Variants in ALS2 observed in about 807,000 individuals in gnomAD.
The protein encoded by ALS2 is alsin.
Under a neutral mutation model 203.4 loss-of-function variants are expected in ALS2, and 117 were observed. The observed-to-expected ratio is 0.58, with a 90% confidence interval of 0.50 to 0.67. ALS2 has a LOEUF of 0.67. Ranked by LOEUF, ALS2 falls within the 30% of genes least tolerant of loss-of-function variation. The pLI is 0.00. For missense variants in ALS2, 1,715 were observed against 1,989.4 expected, an observed-to-expected ratio of 0.86 and a Z score of 2.62; for synonymous variants, 718 against 725.9, an observed-to-expected ratio of 0.99 and a Z score of 0.17.
At chr2:201,723,022 A>C (rs747967479) in intron 23 of ALS2, 21 bp downstream of exon 23, 2 of 1,565,000 alleles carry the variant, frequency 1.3e-6, no homozygotes. Flanking sequence ...GGGAGAAAAA[A>C]AAAGAAAGCT....
At chr2:201,704,343 A>C in intron 32 of ALS2, 111 bp downstream of exon 32, 1 of 1,499,944 alleles carries the variant, frequency 6.7e-7, no homozygotes, top group Non-Finnish European at 9.3e-7. Flanking sequence ...GGAATGGGTT[A>C]ATCGATTTTT....
chr2:201,731,493 G>A (rs917769958), intron 13 of ALS2, among the ~76,000 whole-genome samples: 7 of 152,034 alleles, frequency 4.6e-5, no homozygotes, highest in Admixed American at 6.5e-5. Context: ...CTACTTCACC[G>A]AGTTGATGTG....
chr2:201,716,341 C>T (rs1170479135), intron 24 of ALS2, among the ~76,000 whole-genome samples: 1 of 151,972 alleles, frequency 6.6e-6, no homozygotes, highest in Admixed American at 6.6e-5. Context: ...GTCAGGAGTT[C>T]AAGACCAGCC....
chr2:201,754,762 T>C (rs2106074968), intron 5 of ALS2, 91 bp from the exon 6 acceptor site: 1 of 1,378,958 alleles, frequency 7.3e-7, no homozygotes, highest in South Asian at 1.2e-5. Context: ...TTCAAAAACA[T>C]ACGCCACCAA....
At chr2:201,719,227 G>A (rs1690599221) in intron 23 of ALS2, among the ~76,000 whole-genome samples, 1 of 152,206 alleles carries the variant, frequency 6.6e-6, no homozygotes, top group Non-Finnish European at 1.5e-5. Context: ...CACTGTGATG[G>A]TAGTAAGAGG....
chr2:201,727,865 T>A, intron 15 of ALS2, 90 bp from the exon 16 acceptor site: 1 of 1,235,346 alleles, frequency 8.1e-7, no homozygotes, highest in African/African-American at 1.5e-5. Context: ...TTAACCCACA[T>A]GGGCCTTGCA....
chr2:201,727,605 G>T, intron 16 of ALS2, 100 bp downstream of exon 16: 5 of 1,020,364 alleles, frequency 4.9e-6, no homozygotes, highest in Non-Finnish European at 7.4e-6. Context: ...AGAATGAGGA[G>T]ACTGTCTCCG....
chr2:201,761,921 A>G (rs1693795355), intron 3 of ALS2, 103 bp from the exon 4 acceptor site: 2 of 1,285,614 alleles, frequency 1.6e-6, no homozygotes, highest in South Asian at 1.4e-5. Context: ...ACCAAATTGG[A>G]TTTTCTTTTT....
Position 201,726,649 on chromosome 2 carries a change from C to T in ALS2, c.3182+15G>A. 6.2e-7 allele frequency: 1 copy of T among 1,613,750 alleles called. No homozygotes were observed. Among genetic ancestry groups the T allele is most frequent in the Non-Finnish European group, 8.5e-7 (1 of 1,179,644 alleles). On this transcript the variant is annotated intron_variant, in intron 18 of 33. Coordinates refer to ENST00000264276, the MANE Select transcript of ALS2 (RefSeq NM_020919.4). ...GATCATCCTCACCCCAGGCATAAAT[C>T]TTCAACATTTTCACCTGCCATGAGG... is the stretch of plus-strand genomic sequence containing the variant.
chr2:201,739,394 T>C lies in ALS2; in HGVS notation c.2352-659A>G, dbSNP rs541223303. 2.6e-3 allele frequency among the ~76,000 whole-genome samples: 389 copies of C among 152,238 alleles called. 1 individual carries two copies. Among genetic ancestry groups the C allele is most frequent in the Non-Finnish European group, 4.5e-3 (304 of 68,020 alleles). On this transcript the variant is annotated intron_variant, in intron 11 of 33. Coordinates refer to ENST00000264276, the MANE Select transcript of ALS2 (RefSeq NM_020919.4). Reference sequence around the variant, plus strand: ...ACTTGAGAAAACATAATTAAAATAGTTGAATTTTTGATGAAAATTTTCTGT... The same window carrying C: ...ACTTGAGAAAACATAATTAAAATAGCTGAATTTTTGATGAAAATTTTCTGT...
chr2:201,706,535 T>TTATATATATA (rs34345642), intron 29 of ALS2, among the ~76,000 whole-genome samples: 4,925 of 143,680 alleles, frequency 0.034, 96 homozygotes, highest in South Asian at 0.078. Context: ...AGCTCACACT[T>TTATATATATA]TATATATATA....
rs148999443 is a variant in ALS2 at position 201,753,959 on chromosome 2, T to C, written c.1640+544A>G. Reference sequence around the variant, plus strand: ...CAAGATGAACACACATTGAAGAAGATATGGAAAAGCGCACCATGGATACTT... The same window carrying C: ...CAAGATGAACACACATTGAAGAAGACATGGAAAAGCGCACCATGGATACTT... On this transcript the variant is annotated intron_variant, in intron 6 of 33. Transcript: ENST00000264276. 1.7e-3 allele frequency among the ~76,000 whole-genome samples: 265 copies of C among 152,204 alleles called. 1 individual carries two copies. Among genetic ancestry groups the C allele is most frequent in the Middle Eastern group, 0.01 (3 of 294 alleles).
chr2:201,729,021 A>G, intron 14 of ALS2, 31 bp downstream of exon 14: 1 of 1,614,064 alleles, frequency 6.2e-7, no homozygotes, highest in South Asian at 1.1e-5. Flanking sequence ...GCTGTTTGCT[A>G]GGGTAACAAA....
chr2:201,728,068 A>C (rs1433453295), intron 15 of ALS2, among the ~76,000 whole-genome samples: 1 of 152,196 alleles, frequency 6.6e-6, no homozygotes, highest in African/African-American at 2.4e-5. Context: ...ACAGAAATCC[A>C]TGCTGTAGCT....
In ALS2 at chr2:201,738,674, C is replaced by T. The variant is rs1270208369; in HGVS notation, c.2413G>A (p.Ala805Thr). 2 of 1,613,720 alleles carry T rather than the reference C, an allele frequency of 1.2e-6. No individual in the cohort carries two copies. Among genetic ancestry groups the T allele is most frequent in the South Asian group, 1.1e-5 (1 of 91,074 alleles). Residue 805 changes from alanine (A) to threonine (T), a missense_variant, in exon 12 of 34, where the codon GCC (alanine) becomes ACC (threonine). Around this residue, in one of 3 missense-constraint regions of ALS2, gnomAD observed 1,227 missense variants for 1,413.5 expected, o/e 0.87. Transcript: ENST00000264276. ...MGGFQLLAKP[A>T]IDFLNKNQEL... ...GGAAGGTGTGGGTTTGCTTACATGG[C>T]AGGCTTAGCAAGAAGCTGGAATCCT...
Position 201,708,009 on chromosome 2 carries a change from A to T in ALS2, c.4281-18T>A. Reference sequence around the variant, plus strand: ...ATAAGAACCTAAGGAAGAATAAAAAATATAATTATACAATTATACCTCTAG... The same window carrying T: ...ATAAGAACCTAAGGAAGAATAAAAATTATAATTATACAATTATACCTCTAG... On this transcript the variant is annotated intron_variant, in intron 27 of 33. Coordinates refer to ENST00000264276, the MANE Select transcript of ALS2 (RefSeq NM_020919.4). 2 of 1,606,410 alleles carry T rather than the reference A, an allele frequency of 1.2e-6. No individual in the cohort carries two copies. The highest frequency in any genetic ancestry group is 1.7e-6 in the Non-Finnish European group (2 of 1,174,860).
At chr2:201,778,635 C>T (rs1489227386) in intron 1 of ALS2, 1 of 152,056 alleles carries the variant, frequency 6.6e-6, no homozygotes, top group Non-Finnish European at 1.5e-5. Flanking sequence ...CCTACAAAAC[C>T]GAGTACTTTC....
rs779286010 is a variant in ALS2 at position 201,711,006 on chromosome 2, C to T, written c.4107G>A (p.Arg1369=). The change falls in exon 26 of 34, where the codon AGG becomes AGA. Residue 1369 remains arginine, a synonymous_variant. Transcript: ENST00000264276. ...AFSVEKYDDI[R]KYLIKACDTP... ...TCTAGTTTACCTTTATTAAATATTT[C>T]CTGATGTCATCATATTTCTCCACAG... 9.3e-5 allele frequency: 149 copies of T among 1,599,030 alleles called. No homozygotes were observed. Among genetic ancestry groups the T allele is most frequent in the Non-Finnish European group, 1.1e-4 (132 of 1,166,670 alleles).
At chr2:201,728,924 A>G (rs1270162271) in intron 14 of ALS2, 128 bp downstream of exon 14, 19 of 1,442,912 alleles carry the variant, frequency 1.3e-5, no homozygotes, top group East Asian at 9.1e-5. Flanking sequence ...TGGTCCTTAG[A>G]CATTTTAGGA....
Sources: allele counts gnomAD v4.1 joint callset (sites outside exome capture counted in the v4.1 genomes callset), GRCh38; gene constraint gnomAD v4.1.1; regional missense constraint gnomAD v4.1.1; transcripts MANE v1.5; gene names NCBI Gene and HGNC (gene_info 2026-07-23, HGNC 2026-07-21).